Variants in CNTN1 observed in about 807,000 individuals in gnomAD.
CNTN1 encodes contactin 1.
Under a neutral mutation model 126.4 loss-of-function variants are expected in CNTN1, and 38 were observed. The observed-to-expected ratio is 0.30, with a 90% CI of 0.23 to 0.39. The LOEUF (loss-of-function observed/expected upper bound fraction) is 0.39. Ranked by LOEUF, CNTN1 falls within the 10% of genes least tolerant of loss-of-function variation. The pLI is 1.00. For synonymous variants in CNTN1, 413 were observed against 422.6 expected, an observed-to-expected ratio of 0.98 and a Z score of 0.28; for missense variants, 1,009 against 1,248.4, an observed-to-expected ratio of 0.81 and a Z score of 2.89.
intron 15 of CNTN1, chr12:40,978,945 T>C (rs1314900189): frequency 6.6e-6 from 1 of 152,118 alleles, no homozygotes; most frequent in Non-Finnish European, 1.5e-5. Flanking sequence ...TCACCTCTAA[T>C]TTTTTATTTT....
chr12:40,816,128 C>T lies in CNTN1; in HGVS notation c.-76-92229C>T, dbSNP rs191908456. 2.8e-4 allele frequency among the ~76,000 whole-genome samples: 42 copies of T among 152,194 alleles called. 1 individual carries two copies. In the South Asian group the frequency reaches 6.2e-3, roughly 23 times the overall value. ...GACATTTTCTTTTTTTGTTGTGTCT[C>T]TTCCTGCTTTTGGTATCAGGATGAT... On this transcript the variant is annotated intron_variant, in intron 1 of 23. Coordinates refer to ENST00000551295, the MANE Select transcript of CNTN1 (RefSeq NM_001843.4).
chr12:40,742,748 A>C (rs376890343), intron 1 of CNTN1, among the ~76,000 whole-genome samples: 2 of 152,000 alleles, frequency 1.3e-5, no homozygotes, highest in Non-Finnish European at 2.9e-5. Flanking sequence ...CCTTATAAGC[A>C]ATCAGTTTTC....
At chr12:41,025,714 A>T (rs1949023009) in intron 21 of CNTN1, among the ~76,000 whole-genome samples, 1 of 152,174 alleles carries the variant, frequency 6.6e-6, no homozygotes. Context: ...TTTAATTTAT[A>T]AACCTCTGTC....
Position 40,722,001 on chromosome 12 carries a change from G to A in CNTN1, c.-77+29409G>A, listed in dbSNP as rs111721174. On this transcript the variant is annotated intron_variant, in intron 1 of 23. Coordinates refer to ENST00000551295, the MANE Select transcript of CNTN1 (RefSeq NM_001843.4). The stretch of plus-strand genomic sequence containing the variant: ...AGTCTTTGCTATTGTGAATAGTGCC[G>A]CAATAAACATACGTGTGCATGTGTC... Among the ~76,000 whole-genome samples the A allele has an allele frequency of 6.5e-4, 99 of 151,528 alleles. 1 individual carries two copies. Among genetic ancestry groups the A allele is most frequent in the African/African-American group, 2.1e-3 (87 of 41,288 alleles).
At chr12:40,949,192 C>CAA (rs1303894199) in intron 14 of CNTN1, among the ~76,000 whole-genome samples, 23 of 107,746 alleles carry the variant, frequency 2.1e-4, no homozygotes, top group African/African-American at 8.1e-4. Context: ...AAACAGAAGT[C>CAA]AATTTGTTTT....
chr12:40,863,926 T>TCCCTCCCTC (rs1943199621), intron 1 of CNTN1, among the ~76,000 whole-genome samples: 4 of 129,096 alleles, frequency 3.1e-5, no homozygotes, highest in African/African-American at 1.1e-4. Flanking sequence ...CTTCCTTCCT[T>TCCCTCCCTC]CCTCCCTCCC....
At chr12:40,848,126 A>G (rs980883714) in intron 1 of CNTN1, among the ~76,000 whole-genome samples, 5 of 152,176 alleles carry the variant, frequency 3.3e-5, no homozygotes, top group Admixed American at 6.5e-5. Context: ...CCCCTGTTCT[A>G]GAGTTTCTAA....
intron 4 of CNTN1, among the ~76,000 whole-genome samples, chr12:40,919,419 T>C (rs1945357910): frequency 6.6e-6 from 1 of 152,170 alleles, no homozygotes; most frequent in Non-Finnish European, 1.5e-5. Context: ...CAGTTTCTCA[T>C]CTGATGCAAA....
intron 23 of CNTN1, among the ~76,000 whole-genome samples, chr12:41,036,510 T>C (rs1949269865): frequency 1.3e-5 from 2 of 152,180 alleles, no homozygotes; most frequent in Non-Finnish European, 1.5e-5. Flanking sequence ...ATCAGTTTCA[T>C]GGTATATAAA....
intron 23 of CNTN1, among the ~76,000 whole-genome samples, chr12:41,036,770 A>G (rs1291607428): frequency 1.3e-5 from 2 of 152,072 alleles, no homozygotes; most frequent in African/African-American, 4.8e-5. Flanking sequence ...TGGATTCCCA[A>G]TTATTTTCTT....
intron 23 of CNTN1, among the ~76,000 whole-genome samples, chr12:41,034,992 T>C (rs917649286): frequency 6.6e-6 from 1 of 152,208 alleles, no homozygotes; most frequent in Non-Finnish European, 1.5e-5. Context: ...AGAGCCTTAA[T>C]TGTCCTTCAG....
At chr12:40,939,924 C>T (rs764365639) in intron 12 of CNTN1, among the ~76,000 whole-genome samples, 3 of 152,048 alleles carry the variant, frequency 2.0e-5, no homozygotes, top group African/African-American at 4.8e-5. Flanking sequence ...TTTCAAAGTG[C>T]AAATAATCTC....
chr12:40,937,525 C>A (rs1946121279), intron 10 of CNTN1, 45 bp from the exon 11 acceptor site: 1 of 1,239,116 alleles, frequency 8.1e-7, no homozygotes, highest in African/African-American at 1.5e-5. Flanking sequence ...GAAAGTATTT[C>A]TATTAAAGTT....
Position 40,763,928 on chromosome 12 carries a change from A to G in CNTN1, c.-77+71336A>G, listed in dbSNP as rs79287607. ...CTCAGAATATCTCATTAGGGACTCAATATCTACCTGGACAATACTTTTCTT... is the reference window on the plus strand; with the variant it reads ...CTCAGAATATCTCATTAGGGACTCAGTATCTACCTGGACAATACTTTTCTT... On this transcript the variant is annotated intron_variant, in intron 1 of 23. Transcript: ENST00000551295. Among the ~76,000 whole-genome samples, 570 of 152,258 alleles carry G rather than the reference A, an allele frequency of 3.7e-3. 2 individuals carry two copies. The highest frequency in any genetic ancestry group is 0.01 in the Middle Eastern group (3 of 294).
chr12:40,924,487 A>G (rs981375297), intron 5 of CNTN1, 70 bp from the exon 6 acceptor site: 2 of 853,984 alleles, frequency 2.3e-6, no homozygotes, highest in Admixed American at 3.9e-5. Flanking sequence ...GCTGAAAGGT[A>G]AAATTGATGA....
At chr12:41,044,968 G>A (rs537888817) in intron 23 of CNTN1, among the ~76,000 whole-genome samples, 3 of 151,964 alleles carry the variant, frequency 2.0e-5, no homozygotes, top group Non-Finnish European at 4.4e-5. Context: ...ATATATGCAT[G>A]AATAAATTAT....
At chr12:40,801,137 G>A (rs1940636531) in intron 1 of CNTN1, among the ~76,000 whole-genome samples, 1 of 151,336 alleles carries the variant, frequency 6.6e-6, no homozygotes, top group African/African-American at 2.4e-5. Flanking sequence ...AAGGTTTAAA[G>A]TTCAAAGTGA....
intron 1 of CNTN1, among the ~76,000 whole-genome samples, chr12:40,778,050 A>G (rs955555826): frequency 2.0e-5 from 3 of 151,848 alleles, no homozygotes; most frequent in African/African-American, 4.8e-5. Context: ...ATCATTAAAC[A>G]TGTCTTCAGG....
At chr12:40,913,853 T>C (rs1945137334) in intron 3 of CNTN1, among the ~76,000 whole-genome samples, 1 of 152,186 alleles carries the variant, frequency 6.6e-6, no homozygotes, top group Non-Finnish European at 1.5e-5. Context: ...TATTTCTATC[T>C]TAGTCTTTTT....
Sources: allele counts gnomAD v4.1 joint callset (sites outside exome capture counted in the v4.1 genomes callset), GRCh38; gene constraint gnomAD v4.1.1; transcripts MANE v1.5; gene names NCBI Gene and HGNC (gene_info 2026-07-23, HGNC 2026-07-21).